NLGN4X: variants seen among roughly 807,000 people sequenced by gnomAD.
NLGN4X encodes the protein neuroligin 4 X-linked.
A neutral mutation model predicts 40.3 loss-of-function variants in NLGN4X; 3 were observed. That is an observed-to-expected ratio of 0.07 (90% CI 0.03 to 0.19). NLGN4X has a LOEUF of 0.19. Ranked by LOEUF, NLGN4X falls within the 10% of genes least tolerant of loss-of-function variation. NLGN4X has a pLI of 1.00. For missense variants in NLGN4X, 382 were observed against 708.3 expected (o/e 0.54, Z 5.23); for synonymous variants, 270 against 306.8 (o/e 0.88, Z 1.25).
intron 2 of NLGN4X, among the ~76,000 whole-genome samples, chrX:6,075,430 T>C (rs1184346103): frequency 9.0e-6 from 1 of 111,505 alleles, no homozygotes; most frequent in African/African-American, 3.3e-5. Context: ...CATAACTACA[T>C]TTGCATTTTC....
At chrX:6,209,674 C>T (rs1217980932) in intron 1 of NLGN4X, among the ~76,000 whole-genome samples, 1 of 111,806 alleles carries the variant, frequency 8.9e-6, no homozygotes, top group Non-Finnish European at 1.9e-5. Context: ...TAATAGTTCA[C>T]CATCCCTGAT....
intron 1 of NLGN4X, among the ~76,000 whole-genome samples, chrX:6,196,309 C>T (rs960937696): frequency 1.8e-5 from 2 of 110,843 alleles, no homozygotes; most frequent in South Asian, 3.9e-4. Context: ...CCCAGCTACT[C>T]GGGAGGCCGA....
At chrX:6,055,482 T>C (rs1023968894) in intron 2 of NLGN4X, among the ~76,000 whole-genome samples, 1 of 111,454 alleles carries the variant, frequency 9.0e-6, no homozygotes, top group Non-Finnish European at 1.9e-5. Context: ...CACTGAGAAC[T>C]ACTATAGGGT....
Position 5,930,718 on chromosome X carries a change from GA to G in NLGN4X, c.626-21480del, listed in dbSNP as rs751466235. Among the ~76,000 whole-genome samples the G allele has an allele frequency of 4.4e-5, 5 of 112,373 alleles. No homozygotes were observed. The East Asian group carries it at 1.4e-3, about 31-fold the overall frequency. ...AACTGGGGTGCTCCCTCTCCCCGCT[GA>G]ATCTGACATTTGCATGAGGTCTGTG... On this transcript the variant is annotated intron_variant, in intron 3 of 5. Transcript: ENST00000381095.
intron 3 of NLGN4X, among the ~76,000 whole-genome samples, chrX:5,912,125 G>A (rs1429531989): frequency 8.9e-6 from 1 of 111,875 alleles, no homozygotes; most frequent in African/African-American, 3.3e-5. Flanking sequence ...GGTTTATTAT[G>A]TAGGTGAACT....
At chrX:6,047,550 G>A (rs561028339) in intron 2 of NLGN4X, among the ~76,000 whole-genome samples, 7 of 112,089 alleles carry the variant, frequency 6.2e-5, no homozygotes, top group Admixed American at 2.8e-4. Context: ...GGAATCAGAC[G>A]CGATTGAAAA....
At chrX:6,099,962 G>A (rs1351804327) in intron 2 of NLGN4X, among the ~76,000 whole-genome samples, 1 of 112,006 alleles carries the variant, frequency 8.9e-6, no homozygotes, top group Non-Finnish European at 1.9e-5. Context: ...GAAATCAGGG[G>A]TCTCACAGCC....
intron 1 of NLGN4X, chrX:6,187,838 A>G (rs1234854807): frequency 8.9e-6 from 1 of 112,092 alleles, no homozygotes; most frequent in African/African-American, 3.2e-5. Context: ...GGGAAAACTG[A>G]AACTGTTGCC....
At chrX:6,035,318 T>A (rs1340847071) in intron 2 of NLGN4X, among the ~76,000 whole-genome samples, 1 of 111,548 alleles carries the variant, frequency 9.0e-6, no homozygotes, top group Non-Finnish European at 1.9e-5. Context: ...TTTTGATGAG[T>A]TTCACTTGAT....
chrX:6,114,655 T>A (rs1200683876), intron 2 of NLGN4X, among the ~76,000 whole-genome samples: 1 of 111,169 alleles, frequency 9.0e-6, no homozygotes, highest in Non-Finnish European at 1.9e-5. Context: ...GAAAATCAGA[T>A]AAACTAAACA....
chrX:6,082,471 G>A (rs1264217480), intron 2 of NLGN4X, among the ~76,000 whole-genome samples: 1 of 110,797 alleles, frequency 9.0e-6, no homozygotes, highest in African/African-American at 3.3e-5. Context: ...AGCCCAGGAG[G>A]TCGAGGTTGC....
At chrX:6,097,935 A>G (rs1169831407) in intron 2 of NLGN4X, among the ~76,000 whole-genome samples, 4 of 112,643 alleles carry the variant, frequency 3.6e-5, no homozygotes, top group African/African-American at 1.3e-4. Flanking sequence ...AAAAAAAGTA[A>G]AACCTCAACA....
chrX:6,116,094 C>T lies in NLGN4X; in HGVS notation c.472+34901G>A, dbSNP rs1230855482. ...GCATCAGGAGGTCAGGAGATGGAGACCATCCTGGCTAACACGGTGAAACCC... is the reference window on the plus strand; with the variant it reads ...GCATCAGGAGGTCAGGAGATGGAGATCATCCTGGCTAACACGGTGAAACCC... On this transcript the variant is annotated intron_variant, in intron 2 of 5. Coordinates refer to ENST00000381095, the MANE Select transcript of NLGN4X (RefSeq NM_181332.3). Among the ~76,000 whole-genome samples the T allele has an allele frequency of 2.8e-5, 3 of 107,245 alleles. No homozygotes were observed. The East Asian group carries it at 8.8e-4, about 32-fold the overall frequency. The allele number at this position is 107,245 out of a possible 115,157, so 93.1% of individuals were successfully genotyped here. A position where few individuals can be genotyped will look rare whatever the true frequency, so the allele number is the denominator to read the frequency against.
chrX:6,061,254 G>A (rs183533784), intron 2 of NLGN4X, among the ~76,000 whole-genome samples: 38 of 111,262 alleles, frequency 3.4e-4, no homozygotes, highest in Non-Finnish European at 6.4e-4. Context: ...GAACATGAGC[G>A]AGAAATCAAC....
At chrX:6,200,687 C>CTTTTTTTTTTTTTT (rs767226691) in intron 1 of NLGN4X, among the ~76,000 whole-genome samples, 10 of 55,577 alleles carry the variant, frequency 1.8e-4, no homozygotes, top group Non-Finnish European at 2.5e-4. Flanking sequence ...CTTTCCTTTT[C>CTTTTTTTTTTTTTT]TTTTTTTTTT....
intron 2 of NLGN4X, among the ~76,000 whole-genome samples, chrX:6,031,692 A>C (rs1440456300): frequency 9.1e-6 from 1 of 110,407 alleles, no homozygotes; most frequent in Non-Finnish European, 1.9e-5. Context: ...GCATTTTGCT[A>C]CCCAGATGGG....
chrX:6,224,678 TA>T (rs996511439), intron 1 of NLGN4X, among the ~76,000 whole-genome samples: 5 of 110,116 alleles, frequency 4.5e-5, no homozygotes, highest in African/African-American at 1.7e-4. Context: ...CAGGTTTGGG[TA>T]AAAATCAGCT....
chrX:5,922,257 A>C (rs2146822792), intron 3 of NLGN4X, among the ~76,000 whole-genome samples: 1 of 111,221 alleles, frequency 9.0e-6, no homozygotes, highest in South Asian at 3.9e-4. Context: ...GGGAAACAGG[A>C]GAAATAGGTT....
chrX:6,140,504 G>A (rs946188239), intron 2 of NLGN4X, among the ~76,000 whole-genome samples: 1 of 103,697 alleles, frequency 9.6e-6, no homozygotes, highest in East Asian at 3.1e-4. Flanking sequence ...ACACACCACA[G>A]ACCACATACC....
Sources: allele counts gnomAD v4.1 joint callset (sites outside exome capture counted in the v4.1 genomes callset), GRCh38; gene constraint gnomAD v4.1.1; transcripts MANE v1.5; gene names NCBI Gene and HGNC (gene_info 2026-07-23, HGNC 2026-07-21).